Variants in AKR1E2 observed in about 807,000 individuals in gnomAD.
AKR1E2 encodes the protein 1,5-anhydro-D-fructose reductase.
A neutral mutation model predicts 41.9 loss-of-function variants in AKR1E2; 43 were observed. That is an observed-to-expected ratio of 1.03 (90% CI 0.80 to 1.32). The LOEUF is 1.32. Among genes scored for constraint, AKR1E2 ranks in the 40% most tolerant of loss-of-function variants. The pLI is 0.00. For missense variants in AKR1E2, 423 were observed against 396.5 expected, an observed-to-expected ratio of 1.07 and a Z score of -0.57; for synonymous variants, 121 against 138.9, an observed-to-expected ratio of 0.87 and a Z score of 0.91.
chr10:4,852,210 T>C (rs145970500), downstream of AKR1E2, among the ~76,000 whole-genome samples: 3 of 152,330 alleles, frequency 2.0e-5, no homozygotes, highest in South Asian at 2.1e-4. Context: ...CTTAATTTAC[T>C]TCCAGCCCTG....
chr10:4,827,088 A>AAAAAAG (rs1554753020), intron 1 of AKR1E2, among the ~76,000 whole-genome samples: 1 of 150,574 alleles, frequency 6.6e-6, no homozygotes, highest in African/African-American at 2.4e-5. Flanking sequence ...AAAAAAAAAA[A>AAAAAAG]AAAAAGAAAA....
Position 4,847,225 on chromosome 10 carries a change from C to T in AKR1E2, c.915C>T (p.Phe305=). Residue 305 remains phenylalanine, a synonymous_variant, in exon 9 of 10, where the codon TTC becomes TTT. Transcript: ENST00000298375. ...ACAGGAATCTCCGACTGGCCATGTT[C>T]CCCATGTAAATATGGCTCCTTCTTT... ...SLNRNLRLAM[F]PITKNHKDYP... is the part of the protein sequence containing the mutation. 6.2e-7 allele frequency: 1 copy of T among 1,613,914 alleles called. No individual in the cohort carries two copies. The highest frequency in any genetic ancestry group is 2.2e-5 in the East Asian group (1 of 44,876).
At chr10:4,869,945 T>C in the AKR1E2 span, among the ~76,000 whole-genome samples, 1 of 152,086 alleles carries the variant, frequency 6.6e-6, no homozygotes, top group South Asian at 2.1e-4. Context: ...TGTGGTTTGT[T>C]TTATGGCCAG....
chr10:4,860,794 T>C, the AKR1E2 span, among the ~76,000 whole-genome samples: 2 of 152,222 alleles, frequency 1.3e-5, no homozygotes, highest in Admixed American at 6.5e-5. Flanking sequence ...TTGGCTTTTT[T>C]TGTTGGTCCT....
At chr10:4,825,233 C>A (rs1203177611), upstream of AKR1E2, among the ~76,000 whole-genome samples, 6 of 152,160 alleles carry the variant, frequency 3.9e-5, no homozygotes, top group Non-Finnish European at 7.3e-5. Context: ...ATGGGCAGCG[C>A]CTCCCCTGAT....
chr10:4,870,866 T>C, the AKR1E2 span, among the ~76,000 whole-genome samples: 1 of 152,158 alleles, frequency 6.6e-6, no homozygotes, highest in Non-Finnish European at 1.5e-5. Context: ...ATTATTTCTC[T>C]AAGCACTTTT....
At chr10:4,830,620 T>G in intron 1 of AKR1E2, 55 bp from the exon 2 acceptor site, 2 of 1,597,402 alleles carry the variant, frequency 1.3e-6, no homozygotes, top group African/African-American at 2.7e-5. Context: ...AAAGGGGAGA[T>G]TTGTGTTGGA....
intron 1 of AKR1E2, among the ~76,000 whole-genome samples, chr10:4,828,235 A>T (rs909455687): frequency 6.6e-6 from 1 of 151,934 alleles, no homozygotes; most frequent in Non-Finnish European, 1.5e-5. Flanking sequence ...GGTTGGGGCT[A>T]CTCCACTTGG....
the AKR1E2 span, among the ~76,000 whole-genome samples, chr10:4,863,707 C>T: frequency 6.6e-6 from 1 of 151,838 alleles, no homozygotes; most frequent in East Asian, 1.9e-4. Context: ...AATTGATAGA[C>T]CACTAGCAAG....
chr10:4,868,821 G>A, the AKR1E2 span, among the ~76,000 whole-genome samples: 5 of 152,084 alleles, frequency 3.3e-5, no homozygotes, highest in South Asian at 1.0e-3. Flanking sequence ...TAGTTTTTTA[G>A]TATGATGGAT....
At chr10:4,853,156 A>G in the AKR1E2 span, among the ~76,000 whole-genome samples, 1 of 152,216 alleles carries the variant, frequency 6.6e-6, no homozygotes, top group African/African-American at 2.4e-5. Flanking sequence ...CTCTCATAAT[A>G]TATTCCCCAA....
At chr10:4,867,205 G>T in the AKR1E2 span, among the ~76,000 whole-genome samples, 1 of 152,318 alleles carries the variant, frequency 6.6e-6, no homozygotes, top group East Asian at 1.9e-4. Flanking sequence ...AGTTAAGTTA[G>T]ATCTCTTTCA....
At chr10:4,833,493 G>A (rs752135040) in intron 3 of AKR1E2, 27 bp downstream of exon 3, 3 of 1,584,002 alleles carry the variant, frequency 1.9e-6, no homozygotes, top group Non-Finnish European at 2.6e-6. Context: ...AGTTCGTTCT[G>A]CAGTTTGCAG....
In AKR1E2 at chr10:4,847,811, C is replaced by T; in HGVS notation, c.*281C>T. On this transcript the variant is annotated 3_prime_UTR_variant, in exon 10 of 10. Transcript: ENST00000298375. ...AATTTGCCTTCACATTTTAAGAAAA[C>T]TTTATCTTATGGAGTTATTTAAGCC... is the stretch of plus-strand genomic sequence containing the variant. 2.2e-6 allele frequency: 1 copy of T among 455,242 alleles called. No individual in the cohort carries two copies. The highest frequency in any genetic ancestry group is 3.9e-6 in the Non-Finnish European group (1 of 258,504). The allele number at this position is 455,242 out of a possible 1,614,324, so 28.2% of individuals were successfully genotyped here.
intron 4 of AKR1E2, among the ~76,000 whole-genome samples, chr10:4,836,839 T>G (rs1833465753): frequency 1.3e-5 from 2 of 152,214 alleles, no homozygotes; most frequent in Admixed American, 1.3e-4. Context: ...GTTGGCCCAT[T>G]GGTCACTCAG....
chr10:4,830,812 A>T lies in AKR1E2; in HGVS notation c.177A>T (p.Val59=), dbSNP rs1180192104. 6.2e-7 allele frequency: 1 copy of T among 1,614,178 alleles called. No homozygotes were observed. The highest frequency in any genetic ancestry group is 8.5e-7 in the Non-Finnish European group (1 of 1,180,004). Residue 59 remains valine (V), a synonymous_variant, in exon 2 of 10, where the codon GTA becomes GTT. Coordinates refer to ENST00000298375, the MANE Select transcript of AKR1E2 (RefSeq NM_001040177.3). Reference sequence around the variant, plus strand: ...GTTGCAAGATCAAGGAAGGCGCTGTAAGACGGGAGGATCTGTTCATTGCCA... The same window carrying T: ...GTTGCAAGATCAAGGAAGGCGCTGTTAGACGGGAGGATCTGTTCATTGCCA... ...GIRCKIKEGA[V]RREDLFIATK...
chr10:4,863,732 AAAG>A, the AKR1E2 span, among the ~76,000 whole-genome samples: 1 of 151,098 alleles, frequency 6.6e-6, no homozygotes. Context: ...ATAAAGAAGA[AAAG>A]AAAGAAGAAT....
the AKR1E2 span, among the ~76,000 whole-genome samples, chr10:4,866,604 CTCTCGGAGCA>C: frequency 1.3e-5 from 2 of 150,252 alleles, no homozygotes; most frequent in African/African-American, 4.9e-5. Flanking sequence ...TCAAATCAGT[CTCTCGGAGCA>C]TTCAGGGAGC....
intron 1 of AKR1E2, among the ~76,000 whole-genome samples, chr10:4,826,856 G>T (rs1832563591): frequency 6.6e-6 from 1 of 151,974 alleles, no homozygotes. Flanking sequence ...CAGTAGGATC[G>T]CCTGAGCTCA....
Sources: allele counts gnomAD v4.1 joint callset (sites outside exome capture counted in the v4.1 genomes callset), GRCh38; gene constraint gnomAD v4.1.1; transcripts MANE v1.5; gene names NCBI Gene and HGNC (gene_info 2026-07-23, HGNC 2026-07-21).